SH2D4B: variants seen among roughly 807,000 people sequenced by gnomAD.
SH2D4B encodes SH2 domain-containing protein 4B.
SH2D4B carries 45 observed loss-of-function variants against 61.5 expected under a neutral mutation model. The ratio of observed to expected loss-of-function variants is 0.73; its 90% confidence interval spans 0.58 to 0.94. The LOEUF is 0.94. Ranked by LOEUF, SH2D4B falls within the 40% of genes least tolerant of loss-of-function variation. SH2D4B has a pLI of 0.00. For missense variants in SH2D4B, 572 were observed against 574.2 expected (o/e 1.00, Z 0.04); for synonymous variants, 224 against 220.4 (o/e 1.02, Z -0.14).
At chr10:80,600,881 C>T (rs17107283) in intron 4 of SH2D4B, among the ~76,000 whole-genome samples, 1 of 152,064 alleles carries the variant, frequency 6.6e-6, no homozygotes, top group African/African-American at 2.4e-5. Context: ...AGTCACGGTC[C>T]TTGTAGGGCA....
intron 1 of SH2D4B, among the ~76,000 whole-genome samples, chr10:80,553,352 G>C (rs894272460): frequency 7.9e-5 from 12 of 152,222 alleles, no homozygotes; most frequent in Admixed American, 7.9e-4. Flanking sequence ...GACATGTGCA[G>C]CTCCCTCATT....
At chr10:80,629,600 G>A (rs1038310628) in intron 6 of SH2D4B, among the ~76,000 whole-genome samples, 1 of 152,164 alleles carries the variant, frequency 6.6e-6, no homozygotes, top group Non-Finnish European at 1.5e-5. Flanking sequence ...CAGCCTGACA[G>A]TCCTGTGACC....
At chr10:80,638,257 T>C (rs1200546525) in intron 7 of SH2D4B, among the ~76,000 whole-genome samples, 3 of 152,214 alleles carry the variant, frequency 2.0e-5, no homozygotes, top group African/African-American at 7.2e-5. Flanking sequence ...CTTTTTTTGT[T>C]GTGTCTCTGC....
At chr10:80,541,056 A>C in intron 1 of SH2D4B, 1 of 763,360 alleles carries the variant, frequency 1.3e-6, no homozygotes, top group Non-Finnish European at 2.3e-6. Flanking sequence ...TACACACTTG[A>C]GAGAGAAGTG....
intron 3 of SH2D4B, among the ~76,000 whole-genome samples, chr10:80,581,636 A>T (rs1260692173): frequency 1.3e-5 from 2 of 152,216 alleles, no homozygotes; most frequent in Non-Finnish European, 2.9e-5. Context: ...CTCAGCACGA[A>T]GCCAACCCTG....
At chr10:80,588,350 T>G (rs11186192) in intron 3 of SH2D4B, among the ~76,000 whole-genome samples, 21,864 of 152,188 alleles carry the variant, frequency 0.14, 1,666 homozygotes, top group East Asian at 0.25. Flanking sequence ...TTGATACTTT[T>G]TGAGAGGCCT....
chr10:80,557,042 G>C (rs965767827), intron 1 of SH2D4B, among the ~76,000 whole-genome samples: 1 of 152,066 alleles, frequency 6.6e-6, no homozygotes, highest in Non-Finnish European at 1.5e-5. Flanking sequence ...TTTCATAGAT[G>C]CATTTATCAG....
intron 1 of SH2D4B, among the ~76,000 whole-genome samples, chr10:80,551,198 A>G (rs7895125): frequency 0.65 from 98,624 of 151,920 alleles, 33,393 homozygotes; most frequent in African/African-American, 0.85. Context: ...GACTACAGGC[A>G]CCCTCCACCA....
intron 7 of SH2D4B, among the ~76,000 whole-genome samples, chr10:80,642,255 C>T (rs1032681480): frequency 6.6e-6 from 1 of 152,132 alleles, no homozygotes; most frequent in Non-Finnish European, 1.5e-5. Context: ...CCACACCCAG[C>T]CCAAGTTGCA....
intron 5 of SH2D4B, among the ~76,000 whole-genome samples, chr10:80,608,542 A>AG (rs1243850994): frequency 6.6e-6 from 1 of 152,134 alleles, no homozygotes; most frequent in Admixed American, 6.5e-5. Flanking sequence ...GCCCGAGTGC[A>AG]GGGGGGTCTC....
chr10:80,603,814 T>A lies in SH2D4B; in HGVS notation c.860+19T>A. On this transcript the variant is annotated intron_variant, in intron 5 of 7. Transcript: ENST00000646907. ...CGGTCAGGTGGGTCCAGGCTCCGTG[T>A]TGGTGTGGTTGGGGCAAGGGCCTTG... 1 of 1,597,920 alleles carries A rather than the reference T, an allele frequency of 6.3e-7. No homozygotes were observed. Among genetic ancestry groups the A allele is most frequent in the Admixed American group, 1.7e-5 (1 of 58,482 alleles).
intron 7 of SH2D4B, among the ~76,000 whole-genome samples, chr10:80,636,293 C>T (rs550536109): frequency 9.9e-5 from 15 of 152,256 alleles, no homozygotes; most frequent in African/African-American, 3.6e-4. Context: ...CATGATTTAT[C>T]ATCCTTTGGG....
Position 80,637,304 on chromosome 10 carries a change from G to T in SH2D4B, c.1209+2799G>T, listed in dbSNP as rs187347401. Among the ~76,000 whole-genome samples the T allele has an allele frequency of 4.5e-3, 684 of 152,272 alleles. 1 individual carries two copies. The highest frequency in any genetic ancestry group is 7.0e-3 in the Non-Finnish European group (479 of 68,018). ...TTGGTTCCATATGAACTTTAAAGTGGTTTTTTCCAATTCTGTGAAGAAAGT... is the reference window on the plus strand; with the variant it reads ...TTGGTTCCATATGAACTTTAAAGTGTTTTTTTCCAATTCTGTGAAGAAAGT... On this transcript the variant is annotated intron_variant, in intron 7 of 7. Coordinates refer to ENST00000646907, the MANE Select transcript of SH2D4B (RefSeq NM_001388272.1).
intron 5 of SH2D4B, among the ~76,000 whole-genome samples, chr10:80,609,108 T>C (rs10881815): frequency 0.58 from 88,073 of 152,090 alleles, 27,812 homozygotes; most frequent in African/African-American, 0.83. Context: ...CTTTTCATTC[T>C]CACCTGTGTG....
At chr10:80,550,749 T>C (rs1841749441) in intron 1 of SH2D4B, among the ~76,000 whole-genome samples, 1 of 152,224 alleles carries the variant, frequency 6.6e-6, no homozygotes, top group African/African-American at 2.4e-5. Context: ...TCCATTTTAG[T>C]TGAGCAAGTG....
intron 4 of SH2D4B, among the ~76,000 whole-genome samples, chr10:80,602,406 T>G (rs2132138737): frequency 1.3e-5 from 2 of 152,310 alleles, no homozygotes; most frequent in South Asian, 4.1e-4. Context: ...GAGGTTGCAG[T>G]GAGCTGTGAT....
At chr10:80,573,754 A>T (rs1000504879) in intron 3 of SH2D4B, among the ~76,000 whole-genome samples, 4 of 151,934 alleles carry the variant, frequency 2.6e-5, no homozygotes, top group Admixed American at 2.0e-4. Flanking sequence ...TAAGGTAAGA[A>T]CCCTACCATT....
Position 80,562,901 on chromosome 10 carries a change from T to C in SH2D4B, c.185-7253T>C, listed in dbSNP as rs959772687. ...TGATGCTGAACATTTTTTCTTTTTT[T>C]TTTTTTTTTTTTTTTTTTGAGACGG... On this transcript the variant is annotated intron_variant, in intron 1 of 7. Coordinates refer to ENST00000646907, the MANE Select transcript of SH2D4B (RefSeq NM_001388272.1). 7.5e-3 allele frequency among the ~76,000 whole-genome samples: 949 copies of C among 127,366 alleles called. 7 individuals carry two copies. The highest frequency in any genetic ancestry group is 0.031 in the African/African-American group (902 of 28,912). The allele number at this position is 127,366 out of a possible 152,430, so 83.6% of individuals were successfully genotyped here.
chr10:80,633,200 C>A (rs967178017), intron 6 of SH2D4B, among the ~76,000 whole-genome samples: 1 of 151,784 alleles, frequency 6.6e-6, no homozygotes, highest in African/African-American at 2.4e-5. Flanking sequence ...AGATGGGCAG[C>A]CCAGCCACTC....
Sources: allele counts gnomAD v4.1 joint callset (sites outside exome capture counted in the v4.1 genomes callset), GRCh38; gene constraint gnomAD v4.1.1; transcripts MANE v1.5; gene names NCBI Gene and HGNC (gene_info 2026-07-23, HGNC 2026-07-21).